Variants in EHHADH observed in about 807,000 individuals in gnomAD.
The protein encoded by EHHADH is enoyl-CoA hydratase and 3-hydroxyacyl CoA dehydrogenase.
In EHHADH, 48 loss-of-function variants were observed where a neutral mutation model predicts 64.4. The observed-to-expected ratio is 0.75, with a 90% CI of 0.59 to 0.95. The LOEUF is 0.95. EHHADH is among the 40% of genes least tolerant of loss of function. EHHADH has a pLI of 0.00. For missense variants in EHHADH, 854 were observed against 876.6 expected, an observed-to-expected ratio of 0.97 and a Z score of 0.33; for synonymous variants, 308 against 326.7, an observed-to-expected ratio of 0.94 and a Z score of 0.62.
At chr3:185,193,509 G>A in intron 6 of EHHADH, 22 bp from the exon 7 acceptor site, 4 of 1,607,836 alleles carry the variant, frequency 2.5e-6, no homozygotes, top group South Asian at 1.1e-5. Context: ...AATCAAAGGA[G>A]AAAAAGAATG....
At chr3:185,239,954 G>T (rs553563440) in intron 2 of EHHADH, among the ~76,000 whole-genome samples, 20 of 151,802 alleles carry the variant, frequency 1.3e-4, no homozygotes, top group Non-Finnish European at 2.2e-4. Context: ...GGTATTTTTT[G>T]ATGTCTAGTT....
intron 5 of EHHADH, among the ~76,000 whole-genome samples, chr3:185,206,708 A>G (rs1028273052): frequency 6.6e-6 from 1 of 151,958 alleles, no homozygotes; most frequent in African/African-American, 2.4e-5. Flanking sequence ...TGCACCTGTA[A>G]TCCCAGCTAC....
intron 5 of EHHADH, among the ~76,000 whole-genome samples, chr3:185,217,647 AAAGCTCTGAGACCTCACCAG>A (rs1176447317): frequency 6.6e-6 from 1 of 152,006 alleles, no homozygotes; most frequent in Non-Finnish European, 1.5e-5. Context: ...ACCACGGGTA[AAAGCTCTGAGACCTCACCAG>A]AAGCTGAGCA....
chr3:185,202,448 G>A (rs1455487735), intron 6 of EHHADH, among the ~76,000 whole-genome samples: 1 of 152,106 alleles, frequency 6.6e-6, no homozygotes, highest in Non-Finnish European at 1.5e-5. Context: ...TGATACCAAA[G>A]TTGAATTGAG....
intron 4 of EHHADH, among the ~76,000 whole-genome samples, chr3:185,222,206 C>T (rs1364171811): frequency 1.3e-5 from 2 of 151,844 alleles, no homozygotes; most frequent in Non-Finnish European, 2.9e-5. Flanking sequence ...ATGGTGCCCC[C>T]CGCCCCCTGT....
chr3:185,253,966 C>T lies in EHHADH; in HGVS notation c.57G>A (p.Pro19=), dbSNP rs776144777. 8 of 1,613,880 alleles carry T rather than the reference C, an allele frequency of 5.0e-6. No individual in the cohort carries two copies. The East Asian group carries it at 1.8e-4, about 36-fold the overall frequency. The part of the protein sequence containing the change: ...NALALIRLRN[P]PVNAISTTLL... ...CCCGTTACCTGATCGCGTTGACCGGCGGGTTTCGGAGGCGGATTAGCGCCA... is the reference window on the plus strand; with the variant it reads ...CCCGTTACCTGATCGCGTTGACCGGTGGGTTTCGGAGGCGGATTAGCGCCA... The change falls in exon 1 of 7, where the codon CCG becomes CCA. Residue 19 remains proline (P), a synonymous_variant. Transcript: ENST00000231887.
At chr3:185,199,836 C>T (rs1718174829) in intron 6 of EHHADH, among the ~76,000 whole-genome samples, 1 of 152,104 alleles carries the variant, frequency 6.6e-6, no homozygotes, top group Admixed American at 6.6e-5. Flanking sequence ...GCCTCTATGC[C>T]CTGGGCTCAA....
intron 6 of EHHADH, among the ~76,000 whole-genome samples, chr3:185,199,570 G>A (rs537138204): frequency 6.6e-6 from 1 of 152,258 alleles, no homozygotes; most frequent in Non-Finnish European, 1.5e-5. Context: ...TTTTTGCACT[G>A]CCTGCAGGCA....
intron 2 of EHHADH, among the ~76,000 whole-genome samples, chr3:185,244,587 A>G (rs373298404): frequency 2.0e-3 from 306 of 152,302 alleles, no homozygotes; most frequent in African/African-American, 7.2e-3. Context: ...ATTTGGAAAG[A>G]AGGTCTTCGC....
At chr3:185,205,293 A>C (rs1489666646) in intron 5 of EHHADH, among the ~76,000 whole-genome samples, 2 of 152,110 alleles carry the variant, frequency 1.3e-5, no homozygotes, top group Non-Finnish European at 2.9e-5. Context: ...TGAGCATAGT[A>C]CCCAGAAGTT....
intron 5 of EHHADH, among the ~76,000 whole-genome samples, chr3:185,213,608 G>A (rs963394201): frequency 3.9e-5 from 6 of 152,052 alleles, no homozygotes; most frequent in Non-Finnish European, 7.4e-5. Context: ...GGCTGGGTGC[G>A]GTGGCTCACG....
In EHHADH at chr3:185,199,994, C is replaced by T. The variant is rs968498219; in HGVS notation, c.910+4422G>A. ...CCACAAAGCTTAAATATTTACCATC[C>T]GGAACTTTACAGAAAAAGTTTGCTG... On this transcript the variant is annotated intron_variant, in intron 6 of 6. Transcript: ENST00000231887. 3.9e-5 allele frequency among the ~76,000 whole-genome samples: 6 copies of T among 152,276 alleles called. No individual in the cohort carries two copies. The South Asian group carries it at 8.3e-4, about 21-fold the overall frequency.
chr3:185,207,313 A>G (rs1390384343), intron 5 of EHHADH, among the ~76,000 whole-genome samples: 1 of 151,884 alleles, frequency 6.6e-6, no homozygotes, highest in African/African-American at 2.4e-5. Context: ...TTAGACATTG[A>G]GATGGGGATA....
intron 5 of EHHADH, among the ~76,000 whole-genome samples, chr3:185,213,637 T>C (rs1180954310): frequency 6.6e-6 from 1 of 152,018 alleles, no homozygotes; most frequent in Non-Finnish European, 1.5e-5. Flanking sequence ...CCCAGCACTT[T>C]GGGAGGTAGA....
At position 185,193,302 on chromosome 3, in the gene EHHADH, T is replaced by G; in HGVS notation, c.1096A>C (p.Thr366Pro). 1.2e-6 allele frequency: 2 copies of G among 1,609,696 alleles called. No individual in the cohort carries two copies. The highest frequency in any genetic ancestry group is 1.7e-6 in the Non-Finnish European group (2 of 1,178,306). ...CCACCAAGCTCCTTCACAGATGAAG[T>G]TAACCTGGGTTTTGGTCCTGACCAA... ...HPWSGPKPRL[T>P]SSVKELGGVD... Residue 366 changes from threonine to proline, a missense_variant, in exon 7 of 7, where the codon ACT (threonine) becomes CCT (proline). Transcript: ENST00000231887.
chr3:185,203,217 T>G (rs1336024245), intron 6 of EHHADH, among the ~76,000 whole-genome samples: 2 of 152,086 alleles, frequency 1.3e-5, no homozygotes, highest in African/African-American at 2.4e-5. Context: ...GAAATACACA[T>G]AAGTCTGTAA....
chr3:185,192,974 T>A lies in EHHADH; in HGVS notation c.1424A>T (p.Asn475Ile). The A allele has an allele frequency of 3.7e-6, 6 of 1,614,206 alleles. No homozygotes were observed. Among genetic ancestry groups the A allele is most frequent in the Non-Finnish European group, 5.1e-6 (6 of 1,180,042 alleles). Residue 475 changes from asparagine to isoleucine, a missense_variant, in exon 7 of 7, where the codon AAC (asparagine) becomes ATC (isoleucine). Coordinates refer to ENST00000231887, the MANE Select transcript of EHHADH (RefSeq NM_001966.4). ...TCGATTCCCCACAAATCCAAAACAGTTGCCTACAACGACTCCAATCTTTTT... is the reference window on the plus strand; with the variant it reads ...TCGATTCCCCACAAATCCAAAACAGATGCCTACAACGACTCCAATCTTTTT... ...KIKKIGVVVG[N>I]CFGFVGNRML... is the part of the protein sequence containing the mutation.
chr3:185,248,152 A>G (rs1719646502), intron 2 of EHHADH: 2 of 373,534 alleles, frequency 5.4e-6, no homozygotes, highest in Non-Finnish European at 9.6e-6. Context: ...ATGCAGGTAT[A>G]TATCAGCAGG....
At chr3:185,218,469 T>C (rs1022052890) in intron 4 of EHHADH, among the ~76,000 whole-genome samples, 16 of 152,074 alleles carry the variant, frequency 1.1e-4, no homozygotes, top group Non-Finnish European at 2.2e-4. Flanking sequence ...TGTGTGACCA[T>C]GAAGAACTGC....
Sources: allele counts gnomAD v4.1 joint callset (sites outside exome capture counted in the v4.1 genomes callset), GRCh38; gene constraint gnomAD v4.1.1; transcripts MANE v1.5; gene names NCBI Gene and HGNC (gene_info 2026-07-23, HGNC 2026-07-21).